ANO5: variants seen among roughly 807,000 people sequenced by gnomAD.
ANO5 encodes anoctamin 5.
Under a neutral mutation model 121.0 loss-of-function variants are expected in ANO5, and 109 were observed. That is an observed-to-expected ratio of 0.90 (90% CI 0.77 to 1.06). The LOEUF is 1.06. Ranked by LOEUF, ANO5 falls within the 50% of genes least tolerant of loss-of-function variation. The pLI is 0.00. For missense variants in ANO5, 1,064 were observed against 1,078.5 expected (o/e 0.99, Z 0.19); for synonymous variants, 406 against 359.9 (o/e 1.13, Z -1.45).
chr11:22,271,187 C>T (rs372607728), intron 18 of ANO5, among the ~76,000 whole-genome samples: 2 of 152,126 alleles, frequency 1.3e-5, no homozygotes, highest in Non-Finnish European at 2.9e-5. Context: ...TTGCCTGTAG[C>T]TGGGACTACA....
intron 9 of ANO5, among the ~76,000 whole-genome samples, chr11:22,241,155 G>GT (rs1379179275): frequency 3.2e-5 from 4 of 124,962 alleles, no homozygotes; most frequent in East Asian, 2.2e-4. Flanking sequence ...CAAATAGGGA[G>GT]TTTTTTAACC....
intron 13 of ANO5, among the ~76,000 whole-genome samples, chr11:22,256,501 A>G (rs1335049612): frequency 6.6e-6 from 1 of 152,242 alleles, no homozygotes; most frequent in African/African-American, 2.4e-5. Flanking sequence ...TTTGAAATTA[A>G]GAAAATATAT....
chr11:22,239,374 A>C (rs1041367304), intron 8 of ANO5, among the ~76,000 whole-genome samples, 195 bp from the exon 9 acceptor site: 2 of 152,046 alleles, frequency 1.3e-5, no homozygotes, highest in African/African-American at 2.4e-5. Context: ...TTGCATTTTG[A>C]GATAGCTTTG....
chr11:22,276,032 C>G, intron 20 of ANO5, 62 bp from the exon 21 acceptor site: 1 of 1,117,030 alleles, frequency 9.0e-7, no homozygotes. Context: ...TATGTGAGGT[C>G]TCTCTAGTTG....
At chr11:22,192,991 G>A (rs531272613), upstream of ANO5, 2 of 985,378 alleles carry the variant, frequency 2.0e-6, no homozygotes, top group East Asian at 2.3e-4. Flanking sequence ...CCGAGGGTGG[G>A]GCGCCGGCCG....
chr11:22,274,478 T>C (rs539133125), intron 19 of ANO5, 91 bp from the exon 20 acceptor site: 42 of 1,184,486 alleles, frequency 3.5e-5, no homozygotes, highest in South Asian at 2.7e-4. Context: ...TGCATCTATA[T>C]AATTTATGGT....
At chr11:22,265,047 G>A (rs915644714) in intron 17 of ANO5, among the ~76,000 whole-genome samples, 8 of 151,994 alleles carry the variant, frequency 5.3e-5, no homozygotes, top group South Asian at 2.1e-4. Flanking sequence ...AAAAATATTC[G>A]AATAGGTAAT....
intron 17 of ANO5, 135 bp from the exon 18 acceptor site, chr11:22,270,177 G>C: frequency 8.4e-7 from 1 of 1,188,058 alleles, no homozygotes; most frequent in East Asian, 2.6e-5. Context: ...TTTGGCTGGT[G>C]TCATTTCTCT....
intron 17 of ANO5, among the ~76,000 whole-genome samples, chr11:22,269,177 G>A (rs1854484839): frequency 6.9e-6 from 1 of 144,356 alleles, no homozygotes. Context: ...GGGAAGGGAA[G>A]AGAAGGAAAA....
intron 12 of ANO5, among the ~76,000 whole-genome samples, chr11:22,253,791 G>A (rs1697950200): frequency 1.3e-5 from 2 of 152,154 alleles, no homozygotes; most frequent in African/African-American, 4.8e-5. Context: ...TGCTGAGGGA[G>A]TACAGAGGAG....
Position 22,257,515 on chromosome 11 carries a change from C to G in ANO5, c.1333-165C>G, listed in dbSNP as rs569778796. ...CCATCTAGGAGGCCTGGAGATTTCTCCTTCAAGAGAAGGAACCATTCCTAT... is the reference window on the plus strand; with the variant it reads ...CCATCTAGGAGGCCTGGAGATTTCTGCTTCAAGAGAAGGAACCATTCCTAT... On this transcript the variant is annotated intron_variant, in intron 13 of 21. Coordinates refer to ENST00000324559, the MANE Select transcript of ANO5 (RefSeq NM_213599.3). Among the ~76,000 whole-genome samples, 14 of 152,204 alleles carry G rather than the reference C, an allele frequency of 9.2e-5. 1 individual carries two copies. In the South Asian group the frequency reaches 2.7e-3, roughly 29 times the overall value.
chr11:22,261,873 A>G (rs1854198129), intron 15 of ANO5, among the ~76,000 whole-genome samples: 1 of 152,232 alleles, frequency 6.6e-6, no homozygotes, highest in African/African-American at 2.4e-5. Context: ...TGTAACCCCA[A>G]GACAAGAATG....
In ANO5 at chr11:22,280,102, T is replaced by G; in HGVS notation, c.*337T>G. The G allele has an allele frequency of 4.1e-6, 1 of 244,554 alleles. No individual in the cohort carries two copies. The highest frequency in any genetic ancestry group is 7.9e-6 in the Non-Finnish European group (1 of 126,218). The allele number at this position is 244,554 out of a possible 1,614,324, so 15.1% of individuals were successfully genotyped here. Reference sequence around the variant, plus strand: ...ACTGGCCTTGGGCTGTCCCATCACTTTCCAGTGCATCTATTTATTTTTGTG... The same window carrying G: ...ACTGGCCTTGGGCTGTCCCATCACTGTCCAGTGCATCTATTTATTTTTGTG... On this transcript the variant is annotated 3_prime_UTR_variant, in exon 22 of 22. Transcript: ENST00000324559.
At position 22,246,617 on chromosome 11, in the gene ANO5, A is replaced by G. The variant is rs367903949; in HGVS notation, c.879-3620A>G. Among the ~76,000 whole-genome samples the G allele has an allele frequency of 5.8e-4, 88 of 152,176 alleles. 1 individual carries two copies. The South Asian group carries it at 0.018, about 31-fold the overall frequency. On this transcript the variant is annotated intron_variant, in intron 9 of 21. Coordinates refer to ENST00000324559, the MANE Select transcript of ANO5 (RefSeq NM_213599.3). The stretch of plus-strand genomic sequence containing the variant: ...TTTGGAAGGCCAAGGCAGGCAGATC[A>G]CTTTAGGTCAGGAGTTTGAGACGAT...
At chr11:22,259,920 C>G (rs1474391948) in intron 15 of ANO5, among the ~76,000 whole-genome samples, 179 bp downstream of exon 15, 1 of 148,018 alleles carries the variant, frequency 6.8e-6, no homozygotes, top group African/African-American at 2.5e-5. Context: ...CATTCAAGGT[C>G]CATTATAAAG....
intron 8 of ANO5, among the ~76,000 whole-genome samples, chr11:22,237,291 G>A (rs1283357343): frequency 6.6e-6 from 1 of 152,130 alleles, no homozygotes; most frequent in Non-Finnish European, 1.5e-5. Context: ...GAAATACAGT[G>A]TTGCTGTAAT....
chr11:22,211,156 T>G (rs1478218315), intron 2 of ANO5, 108 bp from the exon 3 acceptor site: 3 of 1,172,082 alleles, frequency 2.6e-6, no homozygotes, highest in South Asian at 2.4e-5. Flanking sequence ...GGTTCCAGAT[T>G]AAGTGTTTCT....
intron 7 of ANO5, 57 bp from the exon 8 acceptor site, chr11:22,236,106 A>G: frequency 8.9e-7 from 1 of 1,124,794 alleles, no homozygotes; most frequent in Non-Finnish European, 1.4e-6. Context: ...ATTGAAAGAA[A>G]TGTGGAAAGC....
At chr11:22,250,690 T>A in intron 10 of ANO5, 51 bp from the exon 11 acceptor site, 1 of 1,561,088 alleles carries the variant, frequency 6.4e-7, no homozygotes, top group Non-Finnish European at 8.8e-7. Flanking sequence ...CAGCTTGGAC[T>A]TTTACCTAAA....
Sources: gnomAD v4.1 joint callset for allele counts (sites outside exome capture counted in the v4.1 genomes callset) on GRCh38, gnomAD v4.1.1 for gene constraint, MANE v1.5 for transcripts, NCBI Gene and HGNC (gene_info 2026-07-23, HGNC 2026-07-21) for gene names.